The following RNF169 variants were observed in gnomAD, a reference collection of about 807,000 sequenced individuals.
RNF169 encodes ring finger protein 169.
A neutral mutation model predicts 53.9 loss-of-function variants in RNF169; 24 were observed. The observed-to-expected ratio is 0.45, with a 90% CI of 0.32 to 0.63. RNF169 has a LOEUF of 0.63. Ranked by LOEUF, RNF169 falls within the 20% of genes least tolerant of loss-of-function variation. The pLI, the probability that RNF169 is intolerant of heterozygous loss-of-function variation, is 0.04. For missense variants in RNF169, 883 were observed against 906.2 expected, an observed-to-expected ratio of 0.97 and a Z score of 0.33; for synonymous variants, 396 against 363.5, an observed-to-expected ratio of 1.09 and a Z score of -1.02.
rs1169068485 is a variant in RNF169 at position 74,839,442 on chromosome 11, T to C, written c.*2712T>C. On this transcript the variant is annotated 3_prime_UTR_variant, in exon 6 of 6. Transcript: ENST00000299563. ...CTGAAGTTGGTTAAAAGTCGATATGTTGATGTGTATTATTTGGGGGAACAG... is the reference window on the plus strand; with the variant it reads ...CTGAAGTTGGTTAAAAGTCGATATGCTGATGTGTATTATTTGGGGGAACAG... The C allele has an allele frequency of 6.6e-6, 1 of 152,202 alleles. No individual in the cohort carries two copies. The highest frequency in any genetic ancestry group is 1.5e-5 in the Non-Finnish European group (1 of 68,042). The allele number at this position is 152,202 out of a possible 1,614,324, so 9.4% of individuals were successfully genotyped here.
chr11:74,785,254 G>GTTATATATATTAGAT (rs2035481477), intron 1 of RNF169, among the ~76,000 whole-genome samples: 2 of 135,708 alleles, frequency 1.5e-5, no homozygotes, highest in African/African-American at 5.6e-5. Flanking sequence ...ATATATGTTA[G>GTTATATATATTAGAT]ATATATATGT....
intron 4 of RNF169, among the ~76,000 whole-genome samples, chr11:74,823,388 A>G (rs1373595270): frequency 6.6e-6 from 1 of 152,232 alleles, no homozygotes; most frequent in Non-Finnish European, 1.5e-5. Flanking sequence ...ACTTTATTGG[A>G]ACTCTGGAAA....
intron 2 of RNF169, among the ~76,000 whole-genome samples, chr11:74,795,222 T>G (rs372799147): frequency 1.5e-5 from 1 of 66,840 alleles, no homozygotes; most frequent in African/African-American, 1.4e-4. Context: ...AGATACTCTT[T>G]TTTTTTTTTT....
intron 1 of RNF169, among the ~76,000 whole-genome samples, chr11:74,750,628 C>A (rs1350533678): frequency 8.9e-6 from 1 of 112,980 alleles, no homozygotes; most frequent in African/African-American, 3.3e-5. Context: ...GATGGAGTCT[C>A]GCACTGTCGC....
intron 2 of RNF169, among the ~76,000 whole-genome samples, chr11:74,808,930 T>A (rs2035838926): frequency 6.6e-6 from 1 of 152,230 alleles, no homozygotes; most frequent in African/African-American, 2.4e-5. Context: ...TACTTTTTTT[T>A]ATTTTAATCT....
intron 4 of RNF169, chr11:74,832,296 T>A (rs1477927804): frequency 2.0e-5 from 3 of 152,102 alleles, no homozygotes; most frequent in Non-Finnish European, 4.4e-5. Context: ...CAGAATTTTT[T>A]TTTTTTTTTT....
chr11:74,826,780 T>G (rs141144294), intron 4 of RNF169, among the ~76,000 whole-genome samples: 1 of 152,374 alleles, frequency 6.6e-6, no homozygotes, highest in African/African-American at 2.4e-5. Context: ...CTTAAAGTTC[T>G]GAAGTGATCT....
intron 4 of RNF169, among the ~76,000 whole-genome samples, chr11:74,818,768 T>C (rs1319510470): frequency 3.3e-5 from 5 of 152,162 alleles, no homozygotes; most frequent in Non-Finnish European, 7.3e-5. Flanking sequence ...TCTCTAGGGT[T>C]CAACTCTTCC....
intron 2 of RNF169, among the ~76,000 whole-genome samples, chr11:74,809,095 GTTT>G (rs202208150): frequency 6.6e-6 from 1 of 150,436 alleles, no homozygotes; most frequent in Non-Finnish European, 1.5e-5. Context: ...TTGTTGTGGG[GTTT>G]TTTTTTCCTG....
intron 2 of RNF169, among the ~76,000 whole-genome samples, chr11:74,791,264 G>T (rs1026234141): frequency 4.1e-4 from 62 of 152,166 alleles, no homozygotes; most frequent in Admixed American, 4.1e-3. Context: ...AGGGGAGGAA[G>T]TGCATACTGA....
At chr11:74,822,008 G>GGTGT (rs1049524443) in intron 4 of RNF169, among the ~76,000 whole-genome samples, 1 of 151,118 alleles carries the variant, frequency 6.6e-6, no homozygotes, top group Non-Finnish European at 1.5e-5. Flanking sequence ...TTCACTCCAG[G>GGTGT]GTGTGTGTGT....
At chr11:74,815,337 C>G (rs2035929244) in intron 3 of RNF169, among the ~76,000 whole-genome samples, 1 of 152,090 alleles carries the variant, frequency 6.6e-6, no homozygotes, top group Non-Finnish European at 1.5e-5. Context: ...GGGCAGATCA[C>G]TTGAGGTCAG....
chr11:74,754,679 G>T (rs1421520419), intron 1 of RNF169, among the ~76,000 whole-genome samples: 1 of 152,158 alleles, frequency 6.6e-6, no homozygotes, highest in African/African-American at 2.4e-5. Context: ...GAATTAGCCG[G>T]ACGTGGTGGT....
chr11:74,809,959 G>A (rs942633873), intron 2 of RNF169, among the ~76,000 whole-genome samples: 1 of 152,084 alleles, frequency 6.6e-6, no homozygotes. Flanking sequence ...ATTTCATATT[G>A]CTTAAGAATG....
At position 74,839,331 on chromosome 11, in the gene RNF169, C is replaced by T. The variant is rs1417287313; in HGVS notation, c.*2601C>T. On this transcript the variant is annotated 3_prime_UTR_variant, in exon 6 of 6. Transcript: ENST00000299563. ...GAAGGAAAAACCACTAAGGTATTAT[C>T]TGAATTTTAAGATGCTTCCCATCCT... The T allele has an allele frequency of 6.6e-6, 1 of 152,160 alleles. No individual in the cohort carries two copies. The highest frequency in any genetic ancestry group is 2.4e-5 in the African/African-American group (1 of 41,428). The allele number at this position is 152,160 out of a possible 1,614,324, so 9.4% of individuals were successfully genotyped here.
At chr11:74,829,701 G>T (rs2036149001) in intron 4 of RNF169, among the ~76,000 whole-genome samples, 1 of 152,180 alleles carries the variant, frequency 6.6e-6, no homozygotes, top group Non-Finnish European at 1.5e-5. Context: ...CAGGGGCATG[G>T]ATGGAGCTGG....
chr11:74,768,347 C>T (rs143163342), intron 1 of RNF169, among the ~76,000 whole-genome samples: 3,234 of 152,292 alleles, frequency 0.021, 111 homozygotes, highest in African/African-American at 0.074. Flanking sequence ...TGGCTCACGC[C>T]TGTAATCCCA....
At position 74,836,140 on chromosome 11, in the gene RNF169, G is replaced by A. The variant is rs933847060; in HGVS notation, c.1537G>A (p.Glu513Lys). The change falls in exon 6 of 6, where the codon GAA (glutamate) becomes AAA (lysine). Residue 513 changes from glutamate (E) to lysine (K), a missense_variant. Transcript: ENST00000299563. ...CCCCTCTGTTAGCCAAACAAAAGCA[G>A]AACAGGACAGTGATAATAAAAGTAG... Reference protein sequence around the residue: ...HFPSVSQTKAEQDSDNKSSTE... With the variant: ...HFPSVSQTKAKQDSDNKSSTE... 5.0e-6 allele frequency: 8 copies of A among 1,614,158 alleles called. No homozygotes were observed. The highest frequency in any genetic ancestry group is 6.8e-6 in the Non-Finnish European group (8 of 1,180,020).
intron 3 of RNF169, among the ~76,000 whole-genome samples, chr11:74,813,678 A>T (rs2035903934): frequency 6.6e-6 from 1 of 152,168 alleles, no homozygotes; most frequent in Non-Finnish European, 1.5e-5. Flanking sequence ...AGAAAATGTA[A>T]CCTAGTATAC....
Sources: allele counts gnomAD v4.1 joint callset (sites outside exome capture counted in the v4.1 genomes callset), GRCh38; gene constraint gnomAD v4.1.1; transcripts MANE v1.5; gene names NCBI Gene and HGNC (gene_info 2026-07-23, HGNC 2026-07-21).